The following SNTG2 variants were observed in gnomAD, a reference collection of about 807,000 sequenced individuals.
SNTG2 encodes the protein syntrophin gamma 2, also known as gamma-2-syntrophin.
Under a neutral mutation model 70.9 loss-of-function variants are expected in SNTG2, and 74 were observed. That is an observed-to-expected ratio of 1.04 (90% CI 0.86 to 1.27). The LOEUF (loss-of-function observed/expected upper bound fraction) is 1.27, where lower values mean the gene tolerates loss of function less well. SNTG2 is among the 50% of genes most tolerant of loss of function. The pLI is 0.00. For synonymous variants in SNTG2, 278 were observed against 273.8 expected, an observed-to-expected ratio of 1.02 and a Z score of -0.15; for missense variants, 717 against 690.7, an observed-to-expected ratio of 1.04 and a Z score of -0.43.
chr2:1,091,341 CAG>C (rs1257021027), intron 2 of SNTG2, among the ~76,000 whole-genome samples: 6 of 152,088 alleles, frequency 3.9e-5, no homozygotes, highest in African/African-American at 1.4e-4. Flanking sequence ...CCAGGCCCAT[CAG>C]TACAGGGGCT....
chr2:1,347,107 G>T (rs1660332506), intron 16 of SNTG2, among the ~76,000 whole-genome samples: 1 of 152,062 alleles, frequency 6.6e-6, no homozygotes. Flanking sequence ...AAAGGTGAGA[G>T]CTCAGTACTC....
At chr2:1,091,564 G>A (rs1293961854) in intron 2 of SNTG2, among the ~76,000 whole-genome samples, 1 of 152,230 alleles carries the variant, frequency 6.6e-6, no homozygotes, top group Non-Finnish European at 1.5e-5. Flanking sequence ...CACTGTCCCC[G>A]CATCAGGTTA....
intron 8 of SNTG2, among the ~76,000 whole-genome samples, chr2:1,190,662 A>G (rs1375810934): frequency 6.6e-6 from 1 of 151,420 alleles, no homozygotes; most frequent in Non-Finnish European, 1.5e-5. Context: ...CAAAATAGAA[A>G]CATACACAAA....
chr2:1,193,603 GA>G (rs34513451), intron 8 of SNTG2, among the ~76,000 whole-genome samples: 9 of 150,576 alleles, frequency 6.0e-5, no homozygotes, highest in Non-Finnish European at 8.9e-5. Flanking sequence ...GAATAAAGAA[GA>G]AAAAAAAACA....
intron 16 of SNTG2, among the ~76,000 whole-genome samples, chr2:1,362,310 C>A (rs976148159): frequency 1.3e-5 from 2 of 152,064 alleles, no homozygotes; most frequent in African/African-American, 4.8e-5. Flanking sequence ...GTCACCGACA[C>A]TGAGCATTTC....
intron 16 of SNTG2, among the ~76,000 whole-genome samples, chr2:1,336,026 G>A (rs1659799583): frequency 1.3e-5 from 2 of 151,910 alleles, no homozygotes; most frequent in Non-Finnish European, 2.9e-5. Context: ...TCTATATTTT[G>A]GAAGTCAAAA....
intron 2 of SNTG2, among the ~76,000 whole-genome samples, chr2:1,086,609 T>C (rs1473380818): frequency 1.3e-5 from 2 of 152,192 alleles, no homozygotes; most frequent in Non-Finnish European, 2.9e-5. Context: ...TCCAGCACAA[T>C]CTACTCTAAT....
chr2:1,131,039 C>T (rs557384039), intron 4 of SNTG2, among the ~76,000 whole-genome samples: 19 of 152,286 alleles, frequency 1.2e-4, no homozygotes, highest in Non-Finnish European at 2.2e-4. Context: ...AGGATTTATA[C>T]AGTCAACAGG....
intron 1 of SNTG2, among the ~76,000 whole-genome samples, chr2:982,956 G>A (rs937368564): frequency 9.2e-5 from 14 of 152,206 alleles, no homozygotes; most frequent in African/African-American, 2.9e-4. Context: ...AGAAGCTGCG[G>A]AGGTAGTGGT....
intron 9 of SNTG2, among the ~76,000 whole-genome samples, chr2:1,218,241 C>A (rs913328571): frequency 1.3e-5 from 2 of 152,176 alleles, no homozygotes; most frequent in African/African-American, 2.4e-5. Flanking sequence ...TGTACCCCTG[C>A]ATAAATCTCC....
intron 1 of SNTG2, among the ~76,000 whole-genome samples, chr2:956,101 C>A (rs1572160342): frequency 1.4e-5 from 2 of 141,112 alleles, no homozygotes; most frequent in African/African-American, 5.4e-5. Context: ...CGCACCTGCC[C>A]CTACCCCTGC....
At chr2:1,242,979 A>T (rs1407880187) in intron 11 of SNTG2, among the ~76,000 whole-genome samples, 3 of 152,280 alleles carry the variant, frequency 2.0e-5, no homozygotes, top group Non-Finnish European at 4.4e-5. Flanking sequence ...TGTAGAAGAT[A>T]AAATTAGCTT....
chr2:980,789 A>C (rs962006274), intron 1 of SNTG2, among the ~76,000 whole-genome samples: 1 of 152,196 alleles, frequency 6.6e-6, no homozygotes, highest in Non-Finnish European at 1.5e-5. Context: ...ACAAAAAAGA[A>C]ATACTTTTCA....
intron 14 of SNTG2, among the ~76,000 whole-genome samples, chr2:1,281,534 TGTG>T (rs1244416647): frequency 1.5e-5 from 2 of 135,306 alleles, no homozygotes; most frequent in East Asian, 2.1e-4. Flanking sequence ...GTGTGTTTGG[TGTG>T]GTGTGTGTGT....
intron 6 of SNTG2, among the ~76,000 whole-genome samples, chr2:1,150,557 C>T (rs1023219259): frequency 1.8e-4 from 27 of 151,768 alleles, no homozygotes; most frequent in Admixed American, 7.9e-4. Flanking sequence ...AGGATGGGGT[C>T]AGGCCAAGAT....
intron 6 of SNTG2, among the ~76,000 whole-genome samples, chr2:1,138,393 G>A (rs1200283628): frequency 3.9e-5 from 6 of 152,302 alleles, no homozygotes; most frequent in South Asian, 2.1e-4. Flanking sequence ...TGAAACAGAC[G>A]TCTATCCCCG....
intron 11 of SNTG2, among the ~76,000 whole-genome samples, chr2:1,243,273 A>T (rs1264078844): frequency 6.6e-6 from 1 of 152,184 alleles, no homozygotes; most frequent in Non-Finnish European, 1.5e-5. Flanking sequence ...AAAGAAGAAG[A>T]GCCCAACACT....
intron 16 of SNTG2, among the ~76,000 whole-genome samples, chr2:1,321,690 C>G (rs1028151785): frequency 6.6e-6 from 1 of 152,146 alleles, no homozygotes; most frequent in African/African-American, 2.4e-5. Flanking sequence ...TTCCCATCTC[C>G]CTGTGCATGA....
chr2:1,153,084 A>T (rs956993334), intron 6 of SNTG2, among the ~76,000 whole-genome samples: 1 of 151,418 alleles, frequency 6.6e-6, no homozygotes. Context: ...AGATCGCACC[A>T]TTGCACTCCA....
Sources: allele counts gnomAD v4.1 joint callset (sites outside exome capture counted in the v4.1 genomes callset), GRCh38; gene constraint gnomAD v4.1.1; transcripts MANE v1.5; gene names NCBI Gene and HGNC (gene_info 2026-07-23, HGNC 2026-07-21).